The following ERVH48-1 variants were observed in gnomAD, a reference collection of about 807,000 sequenced individuals.
The protein encoded by ERVH48-1 is endogenous retrovirus group 48 member 1, envelope.
Under a neutral mutation model 2.4 loss-of-function variants are expected in ERVH48-1, and 4 were observed. That is an observed-to-expected ratio of 1.68 (90% CI 0.83 to 3.84). The LOEUF (loss-of-function observed/expected upper bound fraction) is 3.84. Among genes scored for constraint, ERVH48-1 ranks in the 30% most tolerant of loss-of-function variants. The pLI is 0.01. For synonymous variants in ERVH48-1, 32 were observed against 15.5 expected (o/e 2.06, Z -2.49); for missense variants, 97 against 43.4 (o/e 2.23, Z -3.47).
chr21:42,922,395 A>G (rs986501733), intron 1 of ERVH48-1, among the ~76,000 whole-genome samples: 7 of 151,890 alleles, frequency 4.6e-5, no homozygotes, highest in African/African-American at 1.5e-4. Context: ...TGGAGTTTTG[A>G]AAGCATGGCT....
At position 42,925,333 on chromosome 21, in the gene ERVH48-1, C is replaced by A; in HGVS notation, c.-286+13G>T. 1 of 421,396 alleles carries A rather than the reference C, an allele frequency of 2.4e-6. No individual in the cohort carries two copies. The allele number at this position is 421,396 out of a possible 1,614,324, so 26.1% of individuals were successfully genotyped here. ...GGATTTTTCCCTGTTAACCGGGCTCCCAGGAAACTTACCAGTAGGCGAGAT... is the reference window on the plus strand; with the variant it reads ...GGATTTTTCCCTGTTAACCGGGCTCACAGGAAACTTACCAGTAGGCGAGAT... On this transcript the variant is annotated intron_variant, in intron 1 of 1. Coordinates refer to ENST00000447535, the MANE Select transcript of ERVH48-1 (RefSeq NM_001308491.2).
At chr21:42,921,897 C>G (rs2058807104) in intron 1 of ERVH48-1, among the ~76,000 whole-genome samples, 1 of 152,082 alleles carries the variant, frequency 6.6e-6, no homozygotes, top group Non-Finnish European at 1.5e-5. Flanking sequence ...AGGTCTAGGA[C>G]AGAAAAATGG....
At chr21:42,919,522 G>A (rs2058799310) in intron 1 of ERVH48-1, among the ~76,000 whole-genome samples, 1 of 152,166 alleles carries the variant, frequency 6.6e-6, no homozygotes, top group Non-Finnish European at 1.5e-5. Context: ...AGTCTCATGA[G>A]GGCGAAAGGG....
intron 1 of ERVH48-1, among the ~76,000 whole-genome samples, chr21:42,920,185 A>G (rs1023742321): frequency 6.8e-6 from 1 of 147,310 alleles, no homozygotes; most frequent in Non-Finnish European, 1.5e-5. Context: ...GAGTGAGGAC[A>G]GCGAAGCGCA....
In ERVH48-1 at chr21:42,918,996, A is replaced by T; in HGVS notation, c.11T>A (p.Ile4Asn). ...AGAGGTATAGAAAGTGGTTGGGTAG[A>T]TACAGGCCATTCCTGGAAGCACGTG... is the stretch of plus-strand genomic sequence containing the variant. MAC[I>N]YPTTFYTSLP... The change falls in exon 2 of 2, where the codon ATC (isoleucine) becomes AAC (asparagine). Residue 4 changes from isoleucine to asparagine, a missense_variant. By Grantham distance (149) the Ile-to-Asn change is moderately radical. Transcript: ENST00000447535. 1 of 1,160,148 alleles carries T rather than the reference A, an allele frequency of 8.6e-7. No individual in the cohort carries two copies. Among genetic ancestry groups the T allele is most frequent in the South Asian group, 1.3e-5 (1 of 77,678 alleles). 71.9% of individuals were successfully genotyped at this position (1,160,148 alleles called of 1,614,324 possible). A position where few individuals can be genotyped will look rare whatever the true frequency, so the allele number is the denominator to read the frequency against.
chr21:42,924,342 G>A (rs564062801), intron 1 of ERVH48-1, among the ~76,000 whole-genome samples: 9 of 152,236 alleles, frequency 5.9e-5, no homozygotes, highest in South Asian at 2.1e-4. Flanking sequence ...GGTTAAAGAA[G>A]ACGGTTGAGA....
intron 1 of ERVH48-1, among the ~76,000 whole-genome samples, chr21:42,924,621 G>GACCCACTGTCCAATTTGT (rs1447971959): frequency 6.6e-6 from 1 of 152,108 alleles, no homozygotes; most frequent in African/African-American, 2.4e-5. Context: ...GGCCCATTTG[G>GACCCACTGTCCAATTTGT]ACCCACTGTC....
rs1047347866 is a variant in ERVH48-1 at position 42,918,474 on chromosome 21, C to T, written c.*50G>A. 4.7e-6 allele frequency: 2 copies of T among 425,236 alleles called. No homozygotes were observed. Among genetic ancestry groups the T allele is most frequent in the Non-Finnish European group, 9.4e-6 (2 of 212,064 alleles). 26.3% of individuals were successfully genotyped at this position (425,236 alleles called of 1,614,324 possible). A position where few individuals can be genotyped will look rare whatever the true frequency, so the allele number is the denominator to read the frequency against. Reference sequence around the variant, plus strand: ...CATTCATGGTAAGCACAATGGTTCTCCTAGATCTACAAACAGATTTTTTCC... The same window carrying T: ...CATTCATGGTAAGCACAATGGTTCTTCTAGATCTACAAACAGATTTTTTCC... On this transcript the variant is annotated 3_prime_UTR_variant, in exon 2 of 2. Coordinates refer to ENST00000447535, the MANE Select transcript of ERVH48-1 (RefSeq NM_001308491.2).
At chr21:42,922,131 C>T (rs1318782117) in intron 1 of ERVH48-1, among the ~76,000 whole-genome samples, 1 of 151,946 alleles carries the variant, frequency 6.6e-6, no homozygotes, top group Non-Finnish European at 1.5e-5. Context: ...ACAAGAGCTG[C>T]TTAGGGGATT....
At chr21:42,923,312 T>G (rs1165452983) in intron 1 of ERVH48-1, among the ~76,000 whole-genome samples, 3 of 152,250 alleles carry the variant, frequency 2.0e-5, no homozygotes, top group South Asian at 2.1e-4. Context: ...TTCGAAACTC[T>G]GCCTGTTTTT....
intron 1 of ERVH48-1, among the ~76,000 whole-genome samples, chr21:42,919,589 A>G (rs2058799531): frequency 6.6e-6 from 1 of 152,174 alleles, no homozygotes; most frequent in Non-Finnish European, 1.5e-5. Flanking sequence ...GTTGGGCTTT[A>G]AGGACAGAGT....
chr21:42,920,345 G>A (rs752023877), intron 1 of ERVH48-1, among the ~76,000 whole-genome samples: 1 of 152,166 alleles, frequency 6.6e-6, no homozygotes, highest in African/African-American at 2.4e-5. Context: ...TACTCTATCT[G>A]CTAAAGCATT....
At position 42,919,099 on chromosome 21, in the gene ERVH48-1, A is replaced by G. The variant is rs927231966; in HGVS notation, c.-93T>C. 22 of 1,202,364 alleles carry G rather than the reference A, an allele frequency of 1.8e-5. No individual in the cohort carries two copies. In the African/African-American group the frequency reaches 3.3e-4, roughly 18 times the overall value. 74.5% of individuals were successfully genotyped at this position (1,202,364 alleles called of 1,614,324 possible). On this transcript the variant is annotated 5_prime_UTR_variant, in exon 2 of 2. Coordinates refer to ENST00000447535, the MANE Select transcript of ERVH48-1 (RefSeq NM_001308491.2). ...CTTGGTAGGAGAAATTGGCCCAGAC[A>G]AACACTTAGCTGTTAATGTTTTGGA...
chr21:42,922,497 T>C (rs1321734539), intron 1 of ERVH48-1, among the ~76,000 whole-genome samples: 1 of 151,464 alleles, frequency 6.6e-6, no homozygotes. Context: ...TCCCAGCACT[T>C]TGGGAGGCCG....
Position 42,918,428 on chromosome 21 carries a change from C to T in ERVH48-1, c.*96G>A, listed in dbSNP as rs551519652. 7.6e-4 allele frequency: 289 copies of T among 381,526 alleles called. No homozygotes were observed. Among genetic ancestry groups the T allele is most frequent in the Non-Finnish European group, 1.3e-3 (251 of 192,516 alleles). 23.6% of individuals were successfully genotyped at this position (381,526 alleles called of 1,614,324 possible). A position where few individuals can be genotyped will look rare whatever the true frequency, so the allele number is the denominator to read the frequency against. On this transcript the variant is annotated 3_prime_UTR_variant, in exon 2 of 2. Transcript: ENST00000447535. ...CCACTGTTCACTCATAAAGCTCCCC[C>T]GCATACCCAACAATTGGACACATTC...
In ERVH48-1 at chr21:42,918,638, CTGAG is replaced by C. The variant is rs780001001; in HGVS notation, c.365_368del (p.Thr122ArgfsTer6). On this transcript the variant is annotated frameshift_variant, in exon 2 of 2. Transcript: ENST00000447535. LOFTEE classifies it high-confidence loss of function. The stretch of plus-strand genomic sequence containing the variant: ...GTTCTCTCTTTATGTCCTCAAGCAC[CTGAG>C]TGTTTACTCCCCATTGTCCAATTTT... The C allele has an allele frequency of 2.2e-6, 1 of 456,696 alleles. No homozygotes were observed. The highest frequency in any genetic ancestry group is 1.5e-5 in the South Asian group (1 of 64,568). 28.3% of individuals were successfully genotyped at this position (456,696 alleles called of 1,614,324 possible).
intron 1 of ERVH48-1, 182 bp from the exon 2 acceptor site, chr21:42,919,473 A>C (rs1463775521): frequency 6.5e-6 from 1 of 154,110 alleles, no homozygotes; most frequent in African/African-American, 2.4e-5. Flanking sequence ...ACATGATCTC[A>C]AAGGGACTAT....
Position 42,925,458 on chromosome 21 carries a change from C to A in ERVH48-1, c.-398G>T, listed in dbSNP as rs897552453. On this transcript the variant is annotated 5_prime_UTR_variant, in exon 1 of 2. Coordinates refer to ENST00000447535, the MANE Select transcript of ERVH48-1 (RefSeq NM_001308491.2). ...TTTCCCAGATGGAGGGGTGGTAGGT[C>A]CACTGGGGACGTGGACGGAAGCCCC... The A allele has an allele frequency of 1.1e-5, 5 of 440,038 alleles. No individual in the cohort carries two copies. The highest frequency in any genetic ancestry group is 1.0e-4 in the African/African-American group (5 of 47,712). The allele number at this position is 440,038 out of a possible 1,614,324, so 27.3% of individuals were successfully genotyped here.
intron 1 of ERVH48-1, among the ~76,000 whole-genome samples, chr21:42,923,212 G>A (rs904304161): frequency 2.0e-5 from 3 of 152,258 alleles, no homozygotes; most frequent in African/African-American, 7.2e-5. Flanking sequence ...ACTTGAAACA[G>A]ACGCCAGGTG....
Sources: allele counts gnomAD v4.1 joint callset (sites outside exome capture counted in the v4.1 genomes callset), GRCh38; gene constraint gnomAD v4.1.1; transcripts MANE v1.5; gene names NCBI Gene and HGNC (gene_info 2026-07-23, HGNC 2026-07-21).